The following TENT4A variants were observed in gnomAD, a reference collection of about 807,000 sequenced individuals.
The protein encoded by TENT4A is terminal nucleotidyltransferase 4A.
In TENT4A, 7 loss-of-function variants were observed where a neutral mutation model predicts 72.8. The ratio of observed to expected loss-of-function variants is 0.10; its 90% CI spans 0.05 to 0.18. TENT4A has a LOEUF of 0.18. TENT4A is among the 10% of genes least tolerant of loss of function. The pLI, the probability that TENT4A is intolerant of heterozygous loss-of-function variation, is 1.00. For synonymous variants in TENT4A, 456 were observed against 434.3 expected (o/e 1.05, Z -0.62); for missense variants, 831 against 1,017.7 (o/e 0.82, Z 2.50).
chr5:6,748,433 G>A (rs1232406840), intron 7 of TENT4A, 31 bp from the exon 8 acceptor site: 4 of 1,611,854 alleles, frequency 2.5e-6, no homozygotes, highest in Non-Finnish European at 3.4e-6. Context: ...TGTGCATGTG[G>A]GGAGGGTCTG....
At chr5:6,732,186 G>C (rs562396524) in intron 1 of TENT4A, among the ~76,000 whole-genome samples, 2 of 152,318 alleles carry the variant, frequency 1.3e-5, no homozygotes, top group South Asian at 4.1e-4. Context: ...GCGCCTGCCT[G>C]GGTGAGGCAG....
At chr5:6,729,913 G>T (rs1741119972) in intron 1 of TENT4A, among the ~76,000 whole-genome samples, 1 of 152,116 alleles carries the variant, frequency 6.6e-6, no homozygotes, top group Non-Finnish European at 1.5e-5. Flanking sequence ...CACTCAGTTT[G>T]TGAGATGGCA....
chr5:6,713,900 C>G lies in TENT4A; in HGVS notation c.-84C>G, dbSNP rs933766463. The G allele has an allele frequency of 1.9e-5, 8 of 426,444 alleles. No individual in the cohort carries two copies. Among genetic ancestry groups the G allele is most frequent in the South Asian group, 1.9e-4 (2 of 10,706 alleles). The allele number at this position is 426,444 out of a possible 1,614,324, so 26.4% of individuals were successfully genotyped here. ...CCAGGCCCGTCCGTCCGTCCGTGCGCGCGCGGCCGGGCCTCGGGGCGCGGC... is the reference window on the plus strand; with the variant it reads ...CCAGGCCCGTCCGTCCGTCCGTGCGGGCGCGGCCGGGCCTCGGGGCGCGGC... On this transcript the variant is annotated 5_prime_UTR_variant, in exon 1 of 13. Coordinates refer to ENST00000230859, the MANE Select transcript of TENT4A (RefSeq NM_006999.6).
At chr5:6,743,881 G>T in intron 6 of TENT4A, 41 bp downstream of exon 6, 1 of 1,601,628 alleles carries the variant, frequency 6.2e-7, no homozygotes, top group African/African-American at 1.3e-5. Flanking sequence ...TGAGACATGT[G>T]TAAGAGTAGA....
At chr5:6,746,478 G>A (rs775061911) in intron 7 of TENT4A, 51 bp downstream of exon 7, 22 of 1,563,410 alleles carry the variant, frequency 1.4e-5, no homozygotes, top group African/African-American at 2.7e-5. Flanking sequence ...CCTCGGGGAC[G>A]TGCTGGTGAC....
At chr5:6,730,645 C>T (rs578054726) in intron 1 of TENT4A, among the ~76,000 whole-genome samples, 1 of 152,028 alleles carries the variant, frequency 6.6e-6, no homozygotes, top group Admixed American at 6.6e-5. Context: ...CCTCCCTGCC[C>T]AGAGTGGGCG....
rs763982965 is a variant in TENT4A at position 6,742,646 on chromosome 5, T to G, written c.1116+49T>G. ...CGGCGAGAGTGCAGGACTGGAGTGC[T>G]TGTGCTTGGTGGCATCCTACGATGT... On this transcript the variant is annotated intron_variant, in intron 5 of 12. Transcript: ENST00000230859. 19 of 1,076,016 alleles carry G rather than the reference T, an allele frequency of 1.8e-5. No homozygotes were observed. The South Asian group carries it at 2.2e-4, about 13-fold the overall frequency. 66.7% of individuals were successfully genotyped at this position (1,076,016 alleles called of 1,614,324 possible).
chr5:6,730,627 G>A (rs901236282), intron 1 of TENT4A, among the ~76,000 whole-genome samples: 5 of 152,094 alleles, frequency 3.3e-5, no homozygotes, highest in Admixed American at 2.6e-4. Context: ...TAGGCACATC[G>A]ATAGGTCCCT....
At chr5:6,742,448 G>T in intron 4 of TENT4A, 42 bp from the exon 5 acceptor site, 1 of 1,263,734 alleles carries the variant, frequency 7.9e-7, no homozygotes, top group Non-Finnish European at 1.2e-6. Context: ...GCTGTGGAGA[G>T]TCCTGCATGT....
chr5:6,730,810 G>A (rs915027317), intron 1 of TENT4A, among the ~76,000 whole-genome samples: 2 of 148,534 alleles, frequency 1.3e-5, no homozygotes, highest in Admixed American at 1.3e-4. Context: ...TCTAATTTGT[G>A]CAGGTATTAG....
intron 6 of TENT4A, among the ~76,000 whole-genome samples, chr5:6,745,258 G>A (rs949128431): frequency 5.9e-5 from 9 of 152,166 alleles, no homozygotes; most frequent in African/African-American, 1.9e-4. Context: ...AGAGAACTCC[G>A]GAATTCTTCT....
chr5:6,747,363 T>G (rs373645545), intron 7 of TENT4A, among the ~76,000 whole-genome samples: 1 of 152,204 alleles, frequency 6.6e-6, no homozygotes, highest in South Asian at 2.1e-4. Flanking sequence ...TTGTCACACA[T>G]GTCATACTTT....
Position 6,755,060 on chromosome 5 carries a change from C to A in TENT4A, c.*115C>A. 1 of 846,796 alleles carries A rather than the reference C, an allele frequency of 1.2e-6. No homozygotes were observed. Among genetic ancestry groups the A allele is most frequent in the Non-Finnish European group, 1.7e-6 (1 of 573,524 alleles). 52.5% of individuals were successfully genotyped at this position (846,796 alleles called of 1,614,324 possible). ...CACGTCAGCCGGGCTCGCGGCACGCCCGCCGCTGATCACTCTGCATGTTTC... is the reference window on the plus strand; with the variant it reads ...CACGTCAGCCGGGCTCGCGGCACGCACGCCGCTGATCACTCTGCATGTTTC... On this transcript the variant is annotated 3_prime_UTR_variant, in exon 13 of 13. Transcript: ENST00000230859.
intron 1 of TENT4A, among the ~76,000 whole-genome samples, chr5:6,721,005 G>A (rs1353483287): frequency 6.6e-6 from 1 of 152,160 alleles, no homozygotes; most frequent in Non-Finnish European, 1.5e-5. Context: ...TCCTTTAGGA[G>A]GCACAAGAAA....
chr5:6,735,390 C>T (rs377498946), intron 1 of TENT4A, among the ~76,000 whole-genome samples: 28 of 152,208 alleles, frequency 1.8e-4, no homozygotes, highest in African/African-American at 6.8e-4. Flanking sequence ...CCCTAGCTCT[C>T]TGCAGTGACA....
Position 6,754,814 on chromosome 5 carries a change from A to G in TENT4A, c.2248A>G (p.Ser750Gly). The stretch of plus-strand genomic sequence containing the variant: ...CGGCCACACCCAAGGCGGCGGCTAC[A>G]GCTCTGTGGGTAGCGGAGGTGTGCG... ...SHGHTQGGGY[S>G]SVGSGGVRPP... The change falls in exon 13 of 13, where the codon AGC becomes GGC. Residue 750 changes from serine (S) to glycine (G), a missense_variant. This residue lies in a region of TENT4A where 332 missense variants were observed against 324.3 expected (regional missense o/e 1.02). Coordinates refer to ENST00000230859, the MANE Select transcript of TENT4A (RefSeq NM_006999.6). The G allele has an allele frequency of 5.6e-6, 9 of 1,605,342 alleles. No individual in the cohort carries two copies. The highest frequency in any genetic ancestry group is 7.7e-6 in the Non-Finnish European group (9 of 1,173,224).
At chr5:6,728,703 A>G (rs1741064133) in intron 1 of TENT4A, among the ~76,000 whole-genome samples, 1 of 152,230 alleles carries the variant, frequency 6.6e-6, no homozygotes, top group Admixed American at 6.5e-5. Context: ...GTGTGACTTT[A>G]GTGTAAAGGC....
intron 1 of TENT4A, among the ~76,000 whole-genome samples, chr5:6,719,403 T>C (rs980087257): frequency 6.6e-6 from 1 of 152,134 alleles, no homozygotes; most frequent in African/African-American, 2.4e-5. Context: ...ATTCAGAAAC[T>C]TGATTTTTGA....
intron 1 of TENT4A, among the ~76,000 whole-genome samples, chr5:6,730,356 G>A (rs1293848478): frequency 3.3e-5 from 5 of 152,088 alleles, no homozygotes; most frequent in African/African-American, 2.4e-5. Context: ...TCTGAGTTCC[G>A]CATTGATTCC....
Sources: allele counts gnomAD v4.1 joint callset (sites outside exome capture counted in the v4.1 genomes callset), GRCh38; gene constraint gnomAD v4.1.1; regional missense constraint gnomAD v4.1.1; transcripts MANE v1.5; gene names NCBI Gene and HGNC (gene_info 2026-07-23, HGNC 2026-07-21).